Variants in SLC2A9 observed in about 807,000 individuals in gnomAD.
The protein encoded by SLC2A9 is solute carrier family 2, facilitated glucose transporter member 9.
Under a neutral mutation model 50.6 loss-of-function variants are expected in SLC2A9, and 39 were observed. That is an observed-to-expected ratio of 0.77 (90% CI 0.60 to 1.01). SLC2A9 has a LOEUF of 1.01. SLC2A9 is among the 50% of genes least tolerant of loss of function. The probability of loss-of-function intolerance (pLI) is 0.00; values close to 1 mark genes in which losing one functional copy is unlikely to be tolerated. For missense variants in SLC2A9, 686 were observed against 677.6 expected, an observed-to-expected ratio of 1.01 and a Z score of -0.14; for synonymous variants, 324 against 276.9, an observed-to-expected ratio of 1.17 and a Z score of -1.69.
intron 3 of SLC2A9, among the ~76,000 whole-genome samples, chr4:9,802,149 T>C (rs1295694156): frequency 5.3e-5 from 8 of 152,206 alleles, no homozygotes; most frequent in African/African-American, 1.9e-4. Context: ...GTTTACTCGG[T>C]ACCGAACCTT....
intron 3 of SLC2A9, among the ~76,000 whole-genome samples, chr4:9,804,744 CAGGAG>C (rs1212464463): frequency 6.6e-6 from 1 of 152,342 alleles, no homozygotes; most frequent in East Asian, 1.9e-4. Flanking sequence ...GCAGGACGGA[CAGGAG>C]AGAATTGCTT....
At chr4:9,961,592 A>T (rs6823549) in intron 5 of SLC2A9, among the ~76,000 whole-genome samples, 29,763 of 152,150 alleles carry the variant, frequency 0.2, 3,134 homozygotes, top group African/African-American at 0.22. Flanking sequence ...CTAAATGTAA[A>T]ACCCAAAACT....
chr4:9,878,515 G>A (rs1336604225), intron 10 of SLC2A9, among the ~76,000 whole-genome samples: 1 of 152,120 alleles, frequency 6.6e-6, no homozygotes, highest in Non-Finnish European at 1.5e-5. Flanking sequence ...GAAGTGCTGG[G>A]AGGCTGGTGT....
At chr4:9,959,482 G>A (rs1023921123) in intron 5 of SLC2A9, among the ~76,000 whole-genome samples, 1 of 150,954 alleles carries the variant, frequency 6.6e-6, no homozygotes, top group African/African-American at 2.4e-5. Context: ...TAAAGAAAAT[G>A]AATTTAAAAG....
At chr4:9,810,164 C>T (rs1722692289) in intron 3 of SLC2A9, among the ~76,000 whole-genome samples, 1 of 152,022 alleles carries the variant, frequency 6.6e-6, no homozygotes, top group South Asian at 2.1e-4. Context: ...TCATAGAAGG[C>T]TGGGCATTTT....
intron 10 of SLC2A9, among the ~76,000 whole-genome samples, chr4:9,854,679 A>G (rs897901091): frequency 6.6e-6 from 1 of 152,222 alleles, no homozygotes; most frequent in African/African-American, 2.4e-5. Context: ...CTTCAGGCCA[A>G]TATCCTTGAT....
At chr4:9,986,057 A>G (rs1297263290) in intron 3 of SLC2A9, among the ~76,000 whole-genome samples, 1 of 152,246 alleles carries the variant, frequency 6.6e-6, no homozygotes, top group Non-Finnish European at 1.5e-5. Context: ...TTCTAAGACT[A>G]TCATTTAACA....
chr4:9,801,531 T>C (rs1432653575), intron 3 of SLC2A9, among the ~76,000 whole-genome samples: 2 of 152,212 alleles, frequency 1.3e-5, no homozygotes, highest in Non-Finnish European at 2.9e-5. Flanking sequence ...GAAGCATAAG[T>C]GGCTGAGGGA....
chr4:9,918,100 T>C (rs140338772), intron 7 of SLC2A9, among the ~76,000 whole-genome samples: 1 of 152,042 alleles, frequency 6.6e-6, no homozygotes, highest in Non-Finnish European at 1.5e-5. Flanking sequence ...CCACTTACCC[T>C]GTGGGGCTGT....
intron 2 of SLC2A9, among the ~76,000 whole-genome samples, chr4:10,005,687 T>C (rs1161366082): frequency 6.6e-6 from 1 of 152,184 alleles, no homozygotes; most frequent in African/African-American, 2.4e-5. Context: ...AAAGGCTACA[T>C]GGTTAAAGCA....
At chr4:9,804,599 T>C (rs534557814) in intron 3 of SLC2A9, among the ~76,000 whole-genome samples, 1 of 152,228 alleles carries the variant, frequency 6.6e-6, no homozygotes, top group Non-Finnish European at 1.5e-5. Context: ...GCTCCCCTCC[T>C]CTCCTCCCAC....
At position 10,035,978 on chromosome 4, in the gene SLC2A9, G is replaced by A. The variant is rs543144599; in HGVS notation, c.-41+4152C>T. 4 of 174,774 alleles carry A rather than the reference G, an allele frequency of 2.3e-5. No homozygotes were observed. The East Asian group carries it at 5.0e-4, about 22-fold the overall frequency. The allele number at this position is 174,774 out of a possible 1,614,324, so 10.8% of individuals were successfully genotyped here. A position where few individuals can be genotyped will look rare whatever the true frequency, so the allele number is the denominator to read the frequency against. On this transcript the variant is annotated intron_variant, in intron 1 of 12. Transcript: ENST00000309065. ...TACCATTGGCTTTCCTGGTGCTGAA[G>A]CTTCTGGATTTGGACTGAGCCGTGC...
chr4:10,004,517 G>A (rs1429292742), intron 2 of SLC2A9, among the ~76,000 whole-genome samples: 1 of 152,134 alleles, frequency 6.6e-6, no homozygotes, highest in African/African-American at 2.4e-5. Context: ...TCTAGCAGAG[G>A]ACTCCAAAGT....
At chr4:9,840,063 A>C (rs2109203422) in intron 10 of SLC2A9, among the ~76,000 whole-genome samples, 1 of 152,284 alleles carries the variant, frequency 6.6e-6, no homozygotes, top group Non-Finnish European at 1.5e-5. Flanking sequence ...TTTTCCATTT[A>C]CTATACAAAG....
chr4:9,930,420 T>C (rs1745691420), intron 6 of SLC2A9, among the ~76,000 whole-genome samples: 1 of 152,214 alleles, frequency 6.6e-6, no homozygotes, highest in Non-Finnish European at 1.5e-5. Flanking sequence ...GAATTGGTGC[T>C]AAACTTGCAA....
chr4:9,983,671 A>T (rs1010319506), intron 4 of SLC2A9, among the ~76,000 whole-genome samples: 1 of 152,222 alleles, frequency 6.6e-6, no homozygotes, highest in Non-Finnish European at 1.5e-5. Flanking sequence ...AGAACTGCCC[A>T]GCCGACCCAC....
At chr4:9,928,020 C>T (rs1228356652) in intron 6 of SLC2A9, among the ~76,000 whole-genome samples, 2 of 152,120 alleles carry the variant, frequency 1.3e-5, no homozygotes, top group African/African-American at 4.8e-5. Context: ...GTATGTAGTT[C>T]CAACTAATCT....
intron 10 of SLC2A9, among the ~76,000 whole-genome samples, chr4:9,885,886 T>C (rs1256591160): frequency 6.6e-6 from 1 of 152,216 alleles, no homozygotes; most frequent in Non-Finnish European, 1.5e-5. Flanking sequence ...GTAGTTGTGA[T>C]AGAGAATGCA....
intron 6 of SLC2A9, among the ~76,000 whole-genome samples, chr4:9,938,806 T>C (rs746337055): frequency 2.0e-5 from 3 of 152,102 alleles, no homozygotes; most frequent in Non-Finnish European, 4.4e-5. Flanking sequence ...CAAAGCACCA[T>C]GTGTATTGCA....
Sources: gnomAD v4.1 joint callset for allele counts (sites outside exome capture counted in the v4.1 genomes callset) on GRCh38, gnomAD v4.1.1 for gene constraint, MANE v1.5 for transcripts, NCBI Gene and HGNC (gene_info 2026-07-23, HGNC 2026-07-21) for gene names.